AP1S2: variants seen among roughly 807,000 people sequenced by gnomAD.
The protein encoded by AP1S2 is AP-1 complex subunit sigma-2.
AP1S2 carries 1 observed loss-of-function variant against 14.3 expected under a neutral mutation model. That is an observed-to-expected ratio of 0.07 (90% CI 0.02 to 0.33). The LOEUF (loss-of-function observed/expected upper bound fraction) is 0.33, where lower values mean the gene tolerates loss of function less well. AP1S2 is among the 10% of genes least tolerant of loss of function. The pLI is 0.99. For missense variants in AP1S2, 30 were observed against 117.7 expected (o/e 0.25, Z 3.45); for synonymous variants, 30 against 40.5 (o/e 0.74, Z 0.99).
intron 2 of AP1S2, 99 bp downstream of exon 2, chrX:15,852,244 TTTA>T (rs1233283676): frequency 2.5e-6 from 2 of 795,029 alleles, no homozygotes; most frequent in African/African-American, 2.1e-5. Context: ...CATCTAAATC[TTTA>T]TTAATCGTTA....
intron 4 of AP1S2, chrX:15,833,508 C>A: frequency 1.2e-6 from 1 of 863,513 alleles, no homozygotes; most frequent in South Asian, 3.0e-5. Context: ...AAACATCCTT[C>A]AAGAAGAAAA....
At chrX:15,831,130 G>A in intron 4 of AP1S2, 1 of 736,201 alleles carries the variant, frequency 1.4e-6, no homozygotes, top group Non-Finnish European at 1.6e-6. Context: ...TTATGGCACT[G>A]CTTATTTTGA....
At chrX:15,828,138 A>C in intron 5 of AP1S2, 54 bp downstream of exon 5, 1 of 970,809 alleles carries the variant, frequency 1.0e-6, no homozygotes, top group Non-Finnish European at 1.4e-6. Context: ...AGGCAACACT[A>C]TATTTTAATG....
chrX:15,846,192 A>G (rs766995389), intron 2 of AP1S2, among the ~76,000 whole-genome samples, 181 bp from the exon 3 acceptor site: 38 of 112,430 alleles, frequency 3.4e-4, no homozygotes, highest in African/African-American at 1.2e-3. Flanking sequence ...TTTGAAAAGC[A>G]TAGGCAAGTA....
In AP1S2 at chrX:15,854,680, G is replaced by A. The variant is rs1409573856; in HGVS notation, c.-1+8C>T. On this transcript the variant is annotated splice_region_variant and intron_variant, in intron 1 of 5. Transcript: ENST00000672987. The stretch of plus-strand genomic sequence containing the variant: ...CCCCGGCGCCCCCTTTCGCCCCCAG[G>A]GACTTACGGCGGCCGCGGGCCGCGG... 3.2e-4 allele frequency: 230 copies of A among 728,369 alleles called. No homozygotes were observed. The highest frequency in any genetic ancestry group is 3.7e-4 in the Non-Finnish European group (229 of 612,955). 60.0% of individuals were successfully genotyped at this position (728,369 alleles called of 1,213,427 possible).
At chrX:15,845,255 A>G in intron 4 of AP1S2, 124 bp downstream of exon 4, 3 of 1,145,576 alleles carry the variant, frequency 2.6e-6, no homozygotes, top group Non-Finnish European at 3.5e-6. Context: ...TAAACTGCAC[A>G]TGGATGGACA....
chrX:15,845,244 A>G (rs1245526339), intron 4 of AP1S2, 135 bp downstream of exon 4: 9 of 1,129,287 alleles, frequency 8.0e-6, no homozygotes, highest in South Asian at 2.1e-5. Flanking sequence ...ATTCCAGTCA[A>G]TAAACTGCAC....
chrX:15,831,352 A>C (rs1460985497), intron 4 of AP1S2: 1 of 753,804 alleles, frequency 1.3e-6, no homozygotes, highest in Non-Finnish European at 1.6e-6. Context: ...TAGAATGAAA[A>C]TAAAACAGAA....
intron 4 of AP1S2, chrX:15,832,928 A>G: frequency 9.3e-7 from 1 of 1,073,937 alleles, no homozygotes; most frequent in Non-Finnish European, 1.2e-6. Flanking sequence ...ATTTTGATGC[A>G]TGTCAGTACT....
At chrX:15,833,116 T>C in intron 4 of AP1S2, 1 of 989,208 alleles carries the variant, frequency 1.0e-6, no homozygotes, top group Non-Finnish European at 1.3e-6. Context: ...TTTGAGCCTT[T>C]ATATTATAGT....
At chrX:15,840,609 A>G in intron 4 of AP1S2, 1 of 896,413 alleles carries the variant, frequency 1.1e-6, no homozygotes, top group Non-Finnish European at 1.5e-6. Context: ...ATTAAGGAGC[A>G]GAGAAAAACT....
At chrX:15,838,899 C>A (rs1171373024) in intron 4 of AP1S2, among the ~76,000 whole-genome samples, 1 of 110,489 alleles carries the variant, frequency 9.1e-6, no homozygotes, top group Non-Finnish European at 1.9e-5. Context: ...AGGTGTGCAC[C>A]ACCACGCCCA....
intron 4 of AP1S2, chrX:15,831,189 A>C: frequency 2.8e-6 from 2 of 716,758 alleles, no homozygotes; most frequent in African/African-American, 2.3e-5. Flanking sequence ...AATGATTGTC[A>C]TGTTTTCCTC....
At chrX:15,838,526 ATTCCC>A (rs1435513829) in intron 4 of AP1S2, among the ~76,000 whole-genome samples, 2 of 109,711 alleles carry the variant, frequency 1.8e-5, no homozygotes, top group Non-Finnish European at 3.8e-5. Context: ...ACCACAGACT[ATTCCC>A]TTTGCAGGTC....
At chrX:15,850,728 CAT>C (rs770512505) in intron 2 of AP1S2, among the ~76,000 whole-genome samples, 25 of 110,176 alleles carry the variant, frequency 2.3e-4, no homozygotes, top group Non-Finnish European at 4.4e-4. Context: ...CAGGATCTCA[CAT>C]AGTCTCCTAC....
At chrX:15,828,309 T>C (rs1933324095) in intron 4 of AP1S2, 109 bp from the exon 5 acceptor site, 1 of 540,020 alleles carries the variant, frequency 1.9e-6, no homozygotes, top group Middle Eastern at 4.2e-4. Flanking sequence ...TTAAGTAAAT[T>C]ACTTAAACTC....
chrX:15,827,167 CT>C lies in AP1S2; in HGVS notation c.*157del. On this transcript the variant is annotated 3_prime_UTR_variant, in exon 6 of 6. Coordinates refer to ENST00000672987, the MANE Select transcript of AP1S2 (RefSeq NM_001272071.2). Reference sequence around the variant, plus strand: ...TTATCACTTAATTAACTAAAGTTCCCTTTTAAAAAAAAATTGTGTAGGCATG... The same window carrying C: ...TTATCACTTAATTAACTAAAGTTCCCTTTAAAAAAAAATTGTGTAGGCATG... The C allele has an allele frequency of 1.9e-6, 1 of 535,044 alleles. No homozygotes were observed. The highest frequency in any genetic ancestry group is 2.7e-5 in the Admixed American group (1 of 36,565). The allele number at this position is 535,044 out of a possible 1,213,427, so 44.1% of individuals were successfully genotyped here.
In AP1S2 at chrX:15,826,839, A is replaced by G. The variant is rs1209816138; in HGVS notation, c.*486T>C. ...TCTTTGGAGTAAATTTGCTTTTTAA[A>G]GTTTCAACAAAGTTTCCATTCATTT... is the stretch of plus-strand genomic sequence containing the variant. On this transcript the variant is annotated 3_prime_UTR_variant, in exon 6 of 6. Coordinates refer to ENST00000672987, the MANE Select transcript of AP1S2 (RefSeq NM_001272071.2). The G allele has an allele frequency of 9.1e-6, 1 of 110,230 alleles. No homozygotes were observed. The highest frequency in any genetic ancestry group is 1.9e-5 in the Non-Finnish European group (1 of 52,996). 9.1% of individuals were successfully genotyped at this position (110,230 alleles called of 1,213,427 possible).
At chrX:15,849,280 T>A (rs1362059457) in intron 2 of AP1S2, among the ~76,000 whole-genome samples, 1 of 112,481 alleles carries the variant, frequency 8.9e-6, no homozygotes, top group African/African-American at 3.2e-5. Flanking sequence ...TGAGATAATT[T>A]AACAAAAACA....
Sources: gnomAD v4.1 joint callset for allele counts (sites outside exome capture counted in the v4.1 genomes callset) on GRCh38, gnomAD v4.1.1 for gene constraint, MANE v1.5 for transcripts, NCBI Gene and HGNC (gene_info 2026-07-23, HGNC 2026-07-21) for gene names.